Variants in ZFHX3 observed in about 807,000 individuals in gnomAD.
ZFHX3 encodes zinc finger homeobox protein 3.
In ZFHX3, 42 loss-of-function variants were observed where a neutral mutation model predicts 279.1. That is an observed-to-expected ratio of 0.15 (90% CI 0.12 to 0.19). The LOEUF (loss-of-function observed/expected upper bound fraction) is 0.19. ZFHX3 is among the 10% of genes least tolerant of loss of function. The pLI is 1.00. For synonymous variants in ZFHX3, 2,293 were observed against 1,957.8 expected (o/e 1.17, Z -4.52); for missense variants, 4,981 against 4,754.0 (o/e 1.05, Z -1.40).
intron 4 of ZFHX3, among the ~76,000 whole-genome samples, chr16:72,853,003 A>G (rs2037658144): frequency 6.6e-6 from 1 of 152,216 alleles, no homozygotes; most frequent in Non-Finnish European, 1.5e-5. Context: ...GTAACATAAG[A>G]TGGCTGTGTT....
intron 3 of ZFHX3, among the ~76,000 whole-genome samples, chr16:73,411,342 C>A (rs1402616922): frequency 1.3e-5 from 2 of 152,230 alleles, no homozygotes; most frequent in East Asian, 3.8e-4. Flanking sequence ...GAAATTGGCA[C>A]CTGCCCTTTG....
intron 5 of ZFHX3, among the ~76,000 whole-genome samples, chr16:73,242,373 G>A (rs145745690): frequency 6.6e-6 from 1 of 152,266 alleles, no homozygotes; most frequent in Non-Finnish European, 1.5e-5. Flanking sequence ...CACCCCATTA[G>A]CCTGGTAACT....
At chr16:72,846,201 G>A (rs1395568248) in intron 4 of ZFHX3, among the ~76,000 whole-genome samples, 4 of 152,220 alleles carry the variant, frequency 2.6e-5, no homozygotes, top group Non-Finnish European at 5.9e-5. Flanking sequence ...AAGGGTCAAC[G>A]ATAAAGTAGA....
intron 5 of ZFHX3, among the ~76,000 whole-genome samples, chr16:73,170,223 GT>G (rs1156523996): frequency 2.9e-3 from 169 of 57,736 alleles, no homozygotes; most frequent in African/African-American, 9.6e-3. Flanking sequence ...CCTTTCACTA[GT>G]TTTTTTTTTT....
intron 1 of ZFHX3, among the ~76,000 whole-genome samples, chr16:73,891,500 GGA>G (rs1303305733): frequency 1.3e-5 from 2 of 152,020 alleles, no homozygotes; most frequent in Non-Finnish European, 2.9e-5. Context: ...GGAAGGAGAG[GGA>G]GAGAGAGGGG....
chr16:73,816,568 C>G (rs1960577727), intron 1 of ZFHX3, among the ~76,000 whole-genome samples: 1 of 152,068 alleles, frequency 6.6e-6, no homozygotes, highest in South Asian at 2.1e-4. Flanking sequence ...TACTATCTGG[C>G]CTTGTACAGA....
At chr16:73,528,522 T>A (rs996524874) in intron 2 of ZFHX3, among the ~76,000 whole-genome samples, 36 of 152,210 alleles carry the variant, frequency 2.4e-4, no homozygotes, top group Non-Finnish European at 4.4e-5. Context: ...GGGAAATTAA[T>A]GCGTGGACAC....
chr16:73,432,130 TAG>T (rs1368549148), intron 3 of ZFHX3, among the ~76,000 whole-genome samples: 1 of 152,176 alleles, frequency 6.6e-6, no homozygotes, highest in Non-Finnish European at 1.5e-5. Context: ...GCACAAGAAA[TAG>T]AGTCTCGTGG....
At chr16:72,955,610 C>T (rs956174396) in intron 2 of ZFHX3, among the ~76,000 whole-genome samples, 2 of 151,958 alleles carry the variant, frequency 1.3e-5, no homozygotes, top group Admixed American at 1.3e-4. Flanking sequence ...GAAGCCCCAT[C>T]TCTACTAAAA....
chr16:73,285,310 G>C (rs1049344467), intron 4 of ZFHX3, among the ~76,000 whole-genome samples: 2 of 152,208 alleles, frequency 1.3e-5, no homozygotes, highest in African/African-American at 2.4e-5. Flanking sequence ...TTAAGGGATC[G>C]GTAGAGGGTA....
At chr16:73,293,442 C>T (rs2014824584) in intron 4 of ZFHX3, among the ~76,000 whole-genome samples, 2 of 152,184 alleles carry the variant, frequency 1.3e-5, no homozygotes, top group African/African-American at 4.8e-5. Context: ...AGCCAGGAAT[C>T]ATCATAAATG....
intron 6 of ZFHX3, among the ~76,000 whole-genome samples, chr16:73,135,403 A>AT (rs1218622838): frequency 6.6e-6 from 1 of 152,192 alleles, no homozygotes; most frequent in African/African-American, 2.4e-5. Context: ...GAGAAAAAGG[A>AT]TTTATTTTCT....
intron 1 of ZFHX3, among the ~76,000 whole-genome samples, chr16:73,026,371 TCAAAAA>T (rs987662195): frequency 4.0e-5 from 6 of 149,244 alleles, no homozygotes; most frequent in Non-Finnish European, 5.9e-5. Context: ...AGACTCTGTC[TCAAAAA>T]CAAAAACAGA....
At chr16:73,774,108 T>C (rs911966864) in intron 1 of ZFHX3, among the ~76,000 whole-genome samples, 6 of 152,040 alleles carry the variant, frequency 3.9e-5, no homozygotes, top group Middle Eastern at 3.2e-3. Flanking sequence ...CTAGCCTAGC[T>C]GACAGAGCAA....
At chr16:73,054,442 ATTTT>A (rs34141418) in intron 1 of ZFHX3, among the ~76,000 whole-genome samples, 108 of 91,920 alleles carry the variant, frequency 1.2e-3, no homozygotes, top group South Asian at 2.1e-3. Flanking sequence ...AACCAGGAGG[ATTTT>A]TTTTTTTTTT....
At chr16:73,475,303 T>G (rs1248791529) in intron 2 of ZFHX3, among the ~76,000 whole-genome samples, 1 of 152,210 alleles carries the variant, frequency 6.6e-6, no homozygotes, top group East Asian at 1.9e-4. Flanking sequence ...AAAAATAAAA[T>G]TCCTTCTACC....
intron 2 of ZFHX3, among the ~76,000 whole-genome samples, chr16:73,611,150 T>C (rs2052241171): frequency 6.6e-6 from 1 of 152,178 alleles, no homozygotes; most frequent in African/African-American, 2.4e-5. Flanking sequence ...GAAAAGCAGT[T>C]TTGGTTTTTT....
intron 2 of ZFHX3, among the ~76,000 whole-genome samples, chr16:73,598,271 A>G (rs187730237): frequency 3.3e-5 from 5 of 152,256 alleles, no homozygotes; most frequent in Non-Finnish European, 1.5e-5. Flanking sequence ...TCTCTCCATC[A>G]AATGCCTTCT....
chr16:73,440,280 A>G (rs1371852996), intron 3 of ZFHX3, among the ~76,000 whole-genome samples: 1 of 152,202 alleles, frequency 6.6e-6, no homozygotes, highest in African/African-American at 2.4e-5. Flanking sequence ...CTGAATTACA[A>G]TCAGAATTCA....
Sources: allele counts gnomAD v4.1 joint callset (sites outside exome capture counted in the v4.1 genomes callset), GRCh38; gene constraint gnomAD v4.1.1; transcripts MANE v1.5; gene names NCBI Gene and HGNC (gene_info 2026-07-23, HGNC 2026-07-21).